SHISAL2B: variants seen among roughly 807,000 people sequenced by gnomAD.
The protein encoded by SHISAL2B is shisa like 2B, also known as protein shisa-like-2B.
SHISAL2B carries 12 observed loss-of-function variants against 16.5 expected under a neutral mutation model. The ratio of observed to expected loss-of-function variants is 0.73; its 90% CI spans 0.47 to 1.18. The LOEUF (loss-of-function observed/expected upper bound fraction) is 1.18, where lower values mean the gene tolerates loss of function less well. SHISAL2B is among the 50% of genes most tolerant of loss of function. The pLI is 0.00. For synonymous variants in SHISAL2B, 72 were observed against 75.0 expected (o/e 0.96, Z 0.21); for missense variants, 183 against 193.6 (o/e 0.95, Z 0.33).
At chr5:64,714,777 AT>A (rs1742018524) in intron 2 of SHISAL2B, among the ~76,000 whole-genome samples, 1 of 152,056 alleles carries the variant, frequency 6.6e-6, no homozygotes, top group Non-Finnish European at 1.5e-5. Context: ...GAAAAGCGCA[AT>A]ATTCGGGTGG....
chr5:64,709,813 GT>G (rs1200045582), intron 2 of SHISAL2B, among the ~76,000 whole-genome samples: 1 of 152,040 alleles, frequency 6.6e-6, no homozygotes. Context: ...TTTTTCATGT[GT>G]TTTTTGGCTG....
chr5:64,709,505 C>T (rs1358169805), intron 2 of SHISAL2B, among the ~76,000 whole-genome samples: 1 of 148,996 alleles, frequency 6.7e-6, no homozygotes, highest in African/African-American at 2.5e-5. Context: ...CATACGTGTG[C>T]ATGTGTCTTT....
rs1025979682 is a variant in SHISAL2B at position 64,695,532 on chromosome 5, A to G, written c.217A>G (p.Ile73Val). The G allele has an allele frequency of 1.3e-6, 2 of 1,535,698 alleles. No individual in the cohort carries two copies. Among genetic ancestry groups the G allele is most frequent in the South Asian group, 1.2e-5 (1 of 83,736 alleles). ...CATTGGTGCCTTGATTGGACTAGGA[A>G]TTGCTGCCCTTGTTTTACTCGCCTT... Reference protein sequence around the residue: ...LSIGALIGLGIAALVLLAFVI... With the variant: ...LSIGALIGLGVAALVLLAFVI... The change falls in exon 2 of 3, where the codon ATT (isoleucine) becomes GTT (valine). Residue 73 changes from isoleucine to valine, a missense_variant. By Grantham distance (29) the Ile-to-Val change is conservative. Transcript: ENST00000389074.
At chr5:64,713,750 T>G (rs1393953320) in intron 2 of SHISAL2B, among the ~76,000 whole-genome samples, 2 of 126,436 alleles carry the variant, frequency 1.6e-5, no homozygotes, top group Non-Finnish European at 3.2e-5. Flanking sequence ...TTTTTATTCT[T>G]TTTTCTCTAA....
At chr5:64,693,054 C>T (rs1741675865) in intron 1 of SHISAL2B, among the ~76,000 whole-genome samples, 1 of 151,858 alleles carries the variant, frequency 6.6e-6, no homozygotes, top group Non-Finnish European at 1.5e-5. Flanking sequence ...GTCGCCCAGG[C>T]TGGAGTGCAG....
At chr5:64,715,072 A>G (rs1742026306) in intron 2 of SHISAL2B, among the ~76,000 whole-genome samples, 1 of 152,162 alleles carries the variant, frequency 6.6e-6, no homozygotes. Flanking sequence ...CCCCACCGAC[A>G]TCTTTCAAAA....
Position 64,717,895 on chromosome 5 carries a change from C to A in SHISAL2B, c.356C>A (p.Ser119Ter). 1 of 1,510,124 alleles carries A rather than the reference C, an allele frequency of 6.6e-7. No homozygotes were observed. The highest frequency in any genetic ancestry group is 1.3e-5 in the South Asian group (1 of 77,636). The allele number at this position is 1,510,124 out of a possible 1,614,324, so 93.5% of individuals were successfully genotyped here. A position where few individuals can be genotyped will look rare whatever the true frequency, so the allele number is the denominator to read the frequency against. ...TTGTTTTGTGTATCTGCAGGCAAGT[C>A]AAATGGAAAAACCAAAGCCCTCAAT... ...LEASSTQEGK[S>*]NGKTKALNSN... Residue 119 changes from serine (S) to a stop codon, truncating the protein, a stop_gained, in exon 3 of 3, where the codon TCA (serine) becomes TAA (stop). Transcript: ENST00000389074. LOFTEE classifies it high-confidence loss of function.
chr5:64,714,703 G>A (rs1467584693), intron 2 of SHISAL2B, among the ~76,000 whole-genome samples: 8 of 152,286 alleles, frequency 5.3e-5, no homozygotes, highest in Non-Finnish European at 8.8e-5. Context: ...TTCCGTGGGC[G>A]TAGGACCCTC....
intron 1 of SHISAL2B, 58 bp from the exon 2 acceptor site, chr5:64,695,449 T>C (rs1245202099): frequency 1.6e-5 from 19 of 1,204,080 alleles, no homozygotes; most frequent in South Asian, 1.2e-4. Flanking sequence ...GCCTTCTCTT[T>C]AGTTGAACCA....
chr5:64,714,167 G>A (rs1458670814), intron 2 of SHISAL2B, among the ~76,000 whole-genome samples: 1 of 147,534 alleles, frequency 6.8e-6, no homozygotes, highest in Non-Finnish European at 1.5e-5. Flanking sequence ...CCATCTTTGT[G>A]GTTTTATCTA....
chr5:64,717,769 A>G, intron 2 of SHISAL2B, 120 bp from the exon 3 acceptor site: 1 of 846,688 alleles, frequency 1.2e-6, no homozygotes, highest in Non-Finnish European at 1.8e-6. Context: ...ACTCATACAC[A>G]TAGCATTTTC....
chr5:64,717,677 A>T (rs1330017419), intron 2 of SHISAL2B, among the ~76,000 whole-genome samples: 1 of 152,284 alleles, frequency 6.6e-6, no homozygotes, highest in South Asian at 2.1e-4. Flanking sequence ...ATGGAAATAA[A>T]TTTTTTTATT....
intron 2 of SHISAL2B, among the ~76,000 whole-genome samples, chr5:64,701,877 G>A (rs1454465495): frequency 1.3e-5 from 2 of 152,110 alleles, no homozygotes; most frequent in African/African-American, 2.4e-5. Context: ...TGCTATATTC[G>A]TCTTAGAAGA....
intron 1 of SHISAL2B, among the ~76,000 whole-genome samples, chr5:64,693,413 G>A (rs1390407623): frequency 6.6e-6 from 1 of 152,088 alleles, no homozygotes; most frequent in Non-Finnish European, 1.5e-5. Flanking sequence ...CTTTGTTTTT[G>A]TTTTTCTTTC....
chr5:64,709,772 A>C (rs1321835030), intron 2 of SHISAL2B, among the ~76,000 whole-genome samples: 2 of 151,754 alleles, frequency 1.3e-5, no homozygotes, highest in Non-Finnish European at 2.9e-5. Context: ...TTTGATTTGC[A>C]TTTCTCTGAT....
At chr5:64,705,518 T>C (rs1741864222) in intron 2 of SHISAL2B, among the ~76,000 whole-genome samples, 1 of 152,208 alleles carries the variant, frequency 6.6e-6, no homozygotes, top group African/African-American at 2.4e-5. Flanking sequence ...AAATTTTAGA[T>C]ACTTAAATCG....
At chr5:64,696,426 A>G (rs1420078490) in intron 2 of SHISAL2B, among the ~76,000 whole-genome samples, 14 of 152,226 alleles carry the variant, frequency 9.2e-5, no homozygotes, top group Non-Finnish European at 1.5e-5. Context: ...GAAGACAAAC[A>G]TAAGGTCTGA....
At chr5:64,709,415 A>G (rs893306629) in intron 2 of SHISAL2B, among the ~76,000 whole-genome samples, 64 of 146,792 alleles carry the variant, frequency 4.4e-4, no homozygotes, top group African/African-American at 1.5e-3. Flanking sequence ...TATGTGCCAC[A>G]TTTTCTTAAT....
chr5:64,717,134 A>G (rs1742068012), intron 2 of SHISAL2B, among the ~76,000 whole-genome samples: 1 of 152,182 alleles, frequency 6.6e-6, no homozygotes, highest in African/African-American at 2.4e-5. Context: ...GGTGTCCTGG[A>G]AGCCAAGGAA....
Sources: allele counts gnomAD v4.1 joint callset (sites outside exome capture counted in the v4.1 genomes callset), GRCh38; gene constraint gnomAD v4.1.1; transcripts MANE v1.5; gene names NCBI Gene and HGNC (gene_info 2026-07-23, HGNC 2026-07-21).